Variants in PRKG1 observed in about 807,000 individuals in gnomAD.
PRKG1 encodes protein kinase cGMP-dependent 1.
PRKG1 carries 35 observed loss-of-function variants against 88.1 expected under a neutral mutation model. The observed-to-expected ratio is 0.40, with a 90% confidence interval of 0.30 to 0.53. PRKG1 has a LOEUF of 0.53. Among genes scored for constraint, PRKG1 ranks in the 20% least tolerant of loss-of-function variants. The pLI is 0.59. For synonymous variants in PRKG1, 303 were observed against 292.5 expected (o/e 1.04, Z -0.37); for missense variants, 540 against 839.8 (o/e 0.64, Z 4.41).
chr10:51,726,753 C>T (rs1176140046), intron 3 of PRKG1, among the ~76,000 whole-genome samples: 1 of 152,024 alleles, frequency 6.6e-6, no homozygotes, highest in Non-Finnish European at 1.5e-5. Flanking sequence ...TGAATGAATG[C>T]CTATGAAGTA....
At chr10:51,998,232 C>G (rs1844501924) in intron 5 of PRKG1, among the ~76,000 whole-genome samples, 1 of 151,718 alleles carries the variant, frequency 6.6e-6, no homozygotes. Context: ...TTGTTTTTTT[C>G]ATAAACTAAG....
intron 3 of PRKG1, among the ~76,000 whole-genome samples, chr10:51,671,990 T>G (rs970926151): frequency 1.3e-5 from 2 of 152,222 alleles, no homozygotes; most frequent in Non-Finnish European, 2.9e-5. Context: ...GACATAAATT[T>G]TAAGGGAACA....
intron 9 of PRKG1, among the ~76,000 whole-genome samples, chr10:52,248,893 CCTTTCCTTTCTCTTTT>C (rs1353778062): frequency 8.2e-4 from 26 of 31,750 alleles, no homozygotes; most frequent in Admixed American, 3.7e-3. Flanking sequence ...TCTTTTCCTT[CCTTTCCTTTCTCTTTT>C]CTTTCCTTTC....
chr10:51,673,645 G>A (rs1360023502), intron 3 of PRKG1, among the ~76,000 whole-genome samples: 3 of 152,132 alleles, frequency 2.0e-5, no homozygotes, highest in African/African-American at 7.2e-5. Flanking sequence ...ACCCCACTGT[G>A]TTTTTAAAGA....
chr10:52,050,602 C>T (rs777695839), intron 5 of PRKG1, among the ~76,000 whole-genome samples: 25 of 152,102 alleles, frequency 1.6e-4, no homozygotes, highest in Non-Finnish European at 3.4e-4. Context: ...TAAATATTAT[C>T]TTTCCCAAAC....
intron 3 of PRKG1, among the ~76,000 whole-genome samples, chr10:51,684,866 C>T (rs886787243): frequency 1.5e-4 from 23 of 151,866 alleles, no homozygotes; most frequent in South Asian, 1.0e-3. Context: ...GATCTTGTCT[C>T]GATTAAAAAA....
chr10:51,704,805 A>G (rs1224166072), intron 3 of PRKG1, among the ~76,000 whole-genome samples: 1 of 152,216 alleles, frequency 6.6e-6, no homozygotes, highest in Non-Finnish European at 1.5e-5. Flanking sequence ...GTTCAGATTC[A>G]TGAATGTGAA....
chr10:51,070,761 G>GT (rs1843815291), upstream of PRKG1, among the ~76,000 whole-genome samples: 1 of 152,140 alleles, frequency 6.6e-6, no homozygotes. Context: ...TGAGGATTGG[G>GT]TGCAAGACTA....
intron 3 of PRKG1, among the ~76,000 whole-genome samples, chr10:51,639,268 A>G (rs1839733522): frequency 1.3e-5 from 2 of 151,668 alleles, no homozygotes; most frequent in South Asian, 4.2e-4. Context: ...CCTTGTCTCT[A>G]CTAAAAATGC....
chr10:51,802,300 CA>C, intron 3 of PRKG1, among the ~76,000 whole-genome samples: 1 of 152,228 alleles, frequency 6.6e-6, no homozygotes, highest in Non-Finnish European at 1.5e-5. Context: ...AGGTCATGGA[CA>C]AATTTGCAAT....
intron 5 of PRKG1, among the ~76,000 whole-genome samples, chr10:51,957,059 C>G (rs1284099420): frequency 1.3e-5 from 2 of 148,522 alleles, no homozygotes; most frequent in East Asian, 2.0e-4. Context: ...TTCCCTCCCT[C>G]CCCATCTCCT....
chr10:51,154,210 C>G (rs10508937), intron 2 of PRKG1, among the ~76,000 whole-genome samples: 1 of 151,862 alleles, frequency 6.6e-6, no homozygotes, highest in Non-Finnish European at 1.5e-5. Context: ...TCTGTTTCAC[C>G]TAACCAATTT....
In PRKG1 at chr10:51,034,668, T is replaced by A. The variant is rs367664918; in HGVS notation, c.266+43024T>A. Among the ~76,000 whole-genome samples, 446 of 68,090 alleles carry A rather than the reference T, an allele frequency of 6.6e-3. 26 individuals carry two copies. Among genetic ancestry groups the A allele is most frequent in the East Asian group, 0.061 (120 of 1,970 alleles). The allele number at this position is 68,090 out of a possible 152,430, so 44.7% of individuals were successfully genotyped here. ...AGCAAAATTATATATAATATGTTAT[T>A]TATATATATATATATATATATATAT... On this transcript the variant is annotated intron_variant, in intron 1 of 17. Coordinates refer to the PRKG1 transcript ENST00000401604.
intron 3 of PRKG1, among the ~76,000 whole-genome samples, chr10:51,469,707 G>C (rs931207238): frequency 2.0e-5 from 3 of 151,802 alleles, no homozygotes; most frequent in African/African-American, 7.2e-5. Flanking sequence ...AAGAAAATGA[G>C]TAATGGGACA....
intron 2 of PRKG1, among the ~76,000 whole-genome samples, chr10:51,466,981 A>G (rs954202429): frequency 1.3e-5 from 2 of 152,076 alleles, no homozygotes; most frequent in South Asian, 2.1e-4. Flanking sequence ...CTTAGTCTAC[A>G]TAGGTATGAC....
At chr10:52,033,846 C>T (rs965201860) in intron 5 of PRKG1, among the ~76,000 whole-genome samples, 23 of 151,502 alleles carry the variant, frequency 1.5e-4, no homozygotes, top group Non-Finnish European at 2.9e-4. Flanking sequence ...GGACTGAGTC[C>T]GAAAAGAGAG....
chr10:52,003,160 A>AT (rs1273597942), intron 5 of PRKG1, among the ~76,000 whole-genome samples: 2 of 152,178 alleles, frequency 1.3e-5, no homozygotes, highest in Admixed American at 6.5e-5. Flanking sequence ...TGAGTGAAGG[A>AT]CAGTGCTACT....
chr10:52,241,311 G>C (rs1469975612), intron 9 of PRKG1, among the ~76,000 whole-genome samples: 2 of 152,146 alleles, frequency 1.3e-5, no homozygotes, highest in Admixed American at 1.3e-4. Flanking sequence ...GAAACTACAG[G>C]TACCAGGACT....
chr10:51,578,502 C>T (rs929785169), intron 3 of PRKG1, among the ~76,000 whole-genome samples: 3 of 152,040 alleles, frequency 2.0e-5, no homozygotes, highest in Non-Finnish European at 4.4e-5. Context: ...AGAGAAACAA[C>T]CTATAATGGA....
Sources: allele counts gnomAD v4.1 joint callset (sites outside exome capture counted in the v4.1 genomes callset), GRCh38; gene constraint gnomAD v4.1.1; transcripts MANE v1.5; gene names NCBI Gene and HGNC (gene_info 2026-07-23, HGNC 2026-07-21).